The following DDX39B variants were observed in gnomAD, a reference collection of about 807,000 sequenced individuals.
The protein encoded by DDX39B is spliceosome RNA helicase DDX39B.
DDX39B carries 6 observed loss-of-function variants against 46.4 expected under a neutral mutation model. That is an observed-to-expected ratio of 0.13 (90% CI 0.07 to 0.26). DDX39B has a LOEUF of 0.26. Ranked by LOEUF, DDX39B falls within the 10% of genes least tolerant of loss-of-function variation. The pLI is 1.00. For missense variants in DDX39B, 185 were observed against 553.4 expected, an observed-to-expected ratio of 0.33 and a Z score of 6.68; for synonymous variants, 174 against 199.4, an observed-to-expected ratio of 0.87 and a Z score of 1.07.
Position 31,540,687 on chromosome 6 carries a change from C to T in DDX39B, c.-132-23G>A, listed in dbSNP as rs57824755. 4.8e-4 allele frequency: 318 copies of T among 661,898 alleles called. 2 individuals carry two copies. In the African/African-American group the frequency reaches 5.1e-3, roughly 11 times the overall value. The allele number at this position is 661,898 out of a possible 1,614,324, so 41.0% of individuals were successfully genotyped here. On this transcript the variant is annotated intron_variant, in intron 1 of 10. Transcript: ENST00000396172. Reference sequence around the variant, plus strand: ...GAGCTGGAGGGGGGAAAAAAAAAAGCAAGACTTAATCACGAGCACAGCCTT... The same window carrying T: ...GAGCTGGAGGGGGGAAAAAAAAAAGTAAGACTTAATCACGAGCACAGCCTT...
intron 4 of DDX39B, 143 bp from the exon 5 acceptor site, chr6:31,536,826 T>A: frequency 1.0e-6 from 1 of 1,002,466 alleles, no homozygotes; most frequent in Non-Finnish European, 1.4e-6. Flanking sequence ...AATTTAAAAA[T>A]TTTATGTCCC....
Position 31,541,987 on chromosome 6 carries a change from A to T in DDX39B, c.-170T>A. The T allele has an allele frequency of 1.5e-6, 1 of 678,062 alleles. No homozygotes were observed. The highest frequency in any genetic ancestry group is 2.7e-6 in the Non-Finnish European group (1 of 366,218). 42.0% of individuals were successfully genotyped at this position (678,062 alleles called of 1,614,324 possible). On this transcript the variant is annotated 5_prime_UTR_variant, in exon 1 of 11. Transcript: ENST00000396172. ...AGCGCGTATGGCGGCAGCAACAGCG[A>T]CGAAGGAGGGAAATCTGCCTTCACT...
Position 31,534,750 on chromosome 6 carries a change from TTC to T in DDX39B, c.735+615_735+616del. On this transcript the variant is annotated intron_variant, in intron 6 of 10. Transcript: ENST00000396172. This position sits in a 1 kb window ranked among gnomAD's most constrained non-coding sequence, Gnocchi z 5.1. The stretch of plus-strand genomic sequence containing the variant: ...GCATTCCCTCGCCGCGCCACGGTGC[TTC>T]TCTGTTGCCGGCTCACATCAACCGA... 2.9e-6 allele frequency: 1 copy of T among 345,950 alleles called. No individual in the cohort carries two copies. 21.4% of individuals were successfully genotyped at this position (345,950 alleles called of 1,614,324 possible).
Position 31,535,983 on chromosome 6 carries a change from C to G in DDX39B, c.617-498G>C, listed in dbSNP as rs1767737719. ...TGACTTATGGGGCCTATGTCCAACC[C>G]CACTCTCATTCACCAAGATTCAATT... is the stretch of plus-strand genomic sequence containing the variant. On this transcript the variant is annotated intron_variant, in intron 5 of 10. Transcript: ENST00000396172. This position sits in a 1 kb window ranked among gnomAD's most constrained non-coding sequence, Gnocchi z 4.6. Among the ~76,000 whole-genome samples the G allele has an allele frequency of 6.6e-6, 1 of 152,158 alleles. No individual in the cohort carries two copies. The highest frequency in any genetic ancestry group is 6.5e-5 in the Admixed American group (1 of 15,282).
At chr6:31,541,244 A>C (rs774246856) in intron 1 of DDX39B, 3 of 532,262 alleles carry the variant, frequency 5.6e-6, no homozygotes, top group Non-Finnish European at 1.2e-5. Flanking sequence ...CTGTTTAAGC[A>C]AGCCTTGTGT....
Position 31,531,208 on chromosome 6 carries a change from A to G in DDX39B, c.978-11T>C. 1 of 1,614,058 alleles carries G rather than the reference A, an allele frequency of 6.2e-7. No homozygotes were observed. The highest frequency in any genetic ancestry group is 8.5e-7 in the Non-Finnish European group (1 of 1,179,980). On this transcript the variant is annotated splice_polypyrimidine_tract_variant and intron_variant, in intron 8 of 10. Transcript: ENST00000396172. The surrounding 1 kb of genome is among the most constrained non-coding windows in gnomAD (Gnocchi z 5.8). ...TGATACCGAGAAAGCCTTTGTGAGA[A>G]AGGAAATTTAAAACATGTTGAGATT...
chr6:31,536,548 T>C lies in DDX39B; in HGVS notation c.568A>G (p.Ile190Val), dbSNP rs1376897344. The C allele has an allele frequency of 6.2e-7, 1 of 1,613,244 alleles. No homozygotes were observed. Among genetic ancestry groups the C allele is most frequent in the Non-Finnish European group, 8.5e-7 (1 of 1,180,034 alleles). ...CATTCATCCAAAATAAAGTGTTTAA[T>C]GTGTTTGAGGTTGAGGCTCTTATTT... The part of the protein sequence containing the change: ...ARNKSLNLKH[I>V]KHFILDECDK... The change falls in exon 5 of 11, where the codon ATT becomes GTT. Residue 190 changes from isoleucine to valine, a missense_variant. Ile to Val is a conservative substitution (Grantham distance 29). Transcript: ENST00000396172.
intron 1 of DDX39B, chr6:31,541,290 T>A: frequency 2.1e-6 from 1 of 487,356 alleles, no homozygotes. Flanking sequence ...GCAAGACAAA[T>A]GGCTCGGCCA....
chr6:31,534,304 G>A lies in DDX39B; in HGVS notation c.735+1063C>T, dbSNP rs1296328005. Reference sequence around the variant, plus strand: ...TGAGCCACCAGGCCCAGCCAAGGCAGGCTTTCTAAAGAGAAGTTCCATGGC... The same window carrying A: ...TGAGCCACCAGGCCCAGCCAAGGCAAGCTTTCTAAAGAGAAGTTCCATGGC... On this transcript the variant is annotated intron_variant, in intron 6 of 10. Transcript: ENST00000396172. The surrounding 1 kb of genome is among the most constrained non-coding windows in gnomAD (Gnocchi z 5.1). 1.9e-5 allele frequency: 6 copies of A among 319,418 alleles called. No individual in the cohort carries two copies. In the Admixed American group the frequency reaches 2.4e-4, roughly 13 times the overall value. The allele number at this position is 319,418 out of a possible 1,614,324, so 19.8% of individuals were successfully genotyped here. A position where few individuals can be genotyped will look rare whatever the true frequency, so the allele number is the denominator to read the frequency against.
chr6:31,536,482 C>A lies in DDX39B; in HGVS notation c.616+18G>T. On this transcript the variant is annotated intron_variant, in intron 5 of 10. Coordinates refer to ENST00000396172, the MANE Select transcript of DDX39B (RefSeq NM_004640.7). ...AACAACTCCCCAGCATTAGCCAAGCCCCAGCACTGCCACTCACCGAGCTGT... is the reference window on the plus strand; with the variant it reads ...AACAACTCCCCAGCATTAGCCAAGCACCAGCACTGCCACTCACCGAGCTGT... 6.2e-7 allele frequency: 1 copy of A among 1,613,114 alleles called. No homozygotes were observed. The highest frequency in any genetic ancestry group is 8.5e-7 in the Non-Finnish European group (1 of 1,180,022).
chr6:31,535,661 G>A lies in DDX39B; in HGVS notation c.617-176C>T, dbSNP rs906388782. ...GATTCCAGCTGTTTGTTTTAACCAA[G>A]CAAGAAATAAGGTAAAACCCCAAAG... On this transcript the variant is annotated intron_variant, in intron 5 of 10. Coordinates refer to ENST00000396172, the MANE Select transcript of DDX39B (RefSeq NM_004640.7). The surrounding 1 kb of genome is among the most constrained non-coding windows in gnomAD (Gnocchi z 4.6). Among the ~76,000 whole-genome samples, 1 of 152,082 alleles carries A rather than the reference G, an allele frequency of 6.6e-6. No individual in the cohort carries two copies. The highest frequency in any genetic ancestry group is 2.4e-5 in the African/African-American group (1 of 41,386).
chr6:31,540,304 G>A lies in DDX39B; in HGVS notation c.211+18C>T. The A allele has an allele frequency of 3.7e-6, 6 of 1,613,222 alleles. No individual in the cohort carries two copies. The highest frequency in any genetic ancestry group is 5.1e-6 in the Non-Finnish European group (6 of 1,179,206). ...TTAAAGAGCCCAATGAGCACTACATGCCCAAGAGAAAATTTACCTTCTGAC... is the reference window on the plus strand; with the variant it reads ...TTAAAGAGCCCAATGAGCACTACATACCCAAGAGAAAATTTACCTTCTGAC... On this transcript the variant is annotated intron_variant, in intron 2 of 10. Transcript: ENST00000396172.
intron 4 of DDX39B, among the ~76,000 whole-genome samples, chr6:31,538,005 C>A (rs1767977284): frequency 6.6e-6 from 1 of 152,080 alleles, no homozygotes; most frequent in Non-Finnish European, 1.5e-5. Context: ...ACTACACTCA[C>A]AGCCTGAGGG....
chr6:31,536,063 A>T (rs1167096691), intron 5 of DDX39B, among the ~76,000 whole-genome samples: 2 of 152,178 alleles, frequency 1.3e-5, no homozygotes, highest in African/African-American at 4.8e-5. Context: ...ACCACATCAC[A>T]CAAACTGCTA....
Position 31,535,938 on chromosome 6 carries a change from T to C in DDX39B, c.617-453A>G, listed in dbSNP as rs983728874. 2.6e-5 allele frequency among the ~76,000 whole-genome samples: 4 copies of C among 152,168 alleles called. No individual in the cohort carries two copies. Among genetic ancestry groups the C allele is most frequent in the Admixed American group, 1.3e-4 (2 of 15,272 alleles). On this transcript the variant is annotated intron_variant, in intron 5 of 10. Transcript: ENST00000396172. The surrounding 1 kb of genome is among the most constrained non-coding windows in gnomAD (Gnocchi z 4.6). ...CACCTTTATAGCTCACCATATAGAA[T>C]TGCCAAAGATCATTTGTAATGACTT... is the stretch of plus-strand genomic sequence containing the variant.
intron 3 of DDX39B, 119 bp from the exon 4 acceptor site, chr6:31,538,974 C>T: frequency 6.8e-7 from 1 of 1,480,414 alleles, no homozygotes; most frequent in African/African-American, 1.4e-5. Flanking sequence ...ATTATGTGAT[C>T]TAAATCATGA....
intron 3 of DDX39B, 91 bp from the exon 4 acceptor site, chr6:31,538,946 CGAT>C: frequency 6.7e-7 from 1 of 1,489,658 alleles, no homozygotes. Context: ...ACACCTGGGC[CGAT>C]AATAAATGAC....
intron 2 of DDX39B, 30 bp downstream of exon 2, chr6:31,540,292 T>C (rs12665501): frequency 1.2e-6 from 2 of 1,608,336 alleles, no homozygotes; most frequent in Admixed American, 1.7e-5. Flanking sequence ...AAGAGCCCAA[T>C]GAGCACTACA....
chr6:31,536,804 T>C (rs1245669185), intron 4 of DDX39B, 121 bp from the exon 5 acceptor site: 6 of 1,298,670 alleles, frequency 4.6e-6, no homozygotes, highest in Middle Eastern at 3.8e-4. Flanking sequence ...AAACTAACTT[T>C]AGAGGGCACC....
Sources: gnomAD v4.1 joint callset for allele counts (sites outside exome capture counted in the v4.1 genomes callset) on GRCh38, gnomAD v4.1.1 for gene constraint, Gnocchi (gnomAD v3.1) non-coding constraint, MANE v1.5 for transcripts, NCBI Gene and HGNC (gene_info 2026-07-23, HGNC 2026-07-21) for gene names.